FOXJ3: variants seen among roughly 807,000 people sequenced by gnomAD.
FOXJ3 encodes the protein forkhead box protein J3.
In FOXJ3, 22 loss-of-function variants were observed where a neutral mutation model predicts 76.1. The ratio of observed to expected loss-of-function variants is 0.29; its 90% CI spans 0.21 to 0.41. FOXJ3 has a LOEUF of 0.41. FOXJ3 is among the 10% of genes least tolerant of loss of function. FOXJ3 has a pLI of 1.00. For synonymous variants in FOXJ3, 269 were observed against 261.2 expected, an observed-to-expected ratio of 1.03 and a Z score of -0.29; for missense variants, 613 against 762.1, an observed-to-expected ratio of 0.80 and a Z score of 2.30.
chr1:42,253,998 A>C (rs953377602), intron 4 of FOXJ3, among the ~76,000 whole-genome samples: 1 of 151,084 alleles, frequency 6.6e-6, no homozygotes, highest in African/African-American at 2.4e-5. Context: ...CTGCACAGCA[A>C]AAGAAACTAC....
intron 4 of FOXJ3, among the ~76,000 whole-genome samples, chr1:42,237,401 C>CAT (rs1648742265): frequency 2.1e-5 from 1 of 46,842 alleles, no homozygotes; most frequent in Non-Finnish European, 4.7e-5. Context: ...TACATACATA[C>CAT]ATACATATAT....
In FOXJ3 at chr1:42,331,274, G is replaced by A. The variant is rs992576004; in HGVS notation, c.-18+3785C>T. ...GTGCACGCCTGTAATCCCAGCTACT[G>A]TGGAGGGTGAGGTGGGAGAATCGCT... is the stretch of plus-strand genomic sequence containing the variant. On this transcript the variant is annotated intron_variant, in intron 1 of 12. Transcript: ENST00000361346. 4.7e-4 allele frequency among the ~76,000 whole-genome samples: 71 copies of A among 151,940 alleles called. 1 individual carries two copies. Among genetic ancestry groups the A allele is most frequent in the Admixed American group, 4.5e-3 (68 of 15,242 alleles).
intron 4 of FOXJ3, among the ~76,000 whole-genome samples, chr1:42,251,917 C>G (rs1460631590): frequency 1.3e-5 from 2 of 151,864 alleles, no homozygotes; most frequent in South Asian, 4.1e-4. Context: ...CGGGGTTTCA[C>G]CGTGTTAGCC....
chr1:42,263,075 T>G (rs962948678), intron 4 of FOXJ3, among the ~76,000 whole-genome samples: 2 of 152,180 alleles, frequency 1.3e-5, no homozygotes, highest in African/African-American at 4.8e-5. Context: ...AATTTATTTC[T>G]GTATTTTGTT....
intron 3 of FOXJ3, among the ~76,000 whole-genome samples, chr1:42,269,138 T>C (rs1347995091): frequency 6.6e-6 from 1 of 152,146 alleles, no homozygotes; most frequent in Non-Finnish European, 1.5e-5. Flanking sequence ...TAGTAAACCC[T>C]AGAGTAATCA....
intron 2 of FOXJ3, among the ~76,000 whole-genome samples, chr1:42,299,691 G>A (rs7556055): frequency 0.7 from 106,306 of 151,844 alleles, 37,947 homozygotes; most frequent in Admixed American, 0.8. Flanking sequence ...CGGATTACTT[G>A]AGGTCAGGAG....
At chr1:42,297,062 G>C (rs913753368) in intron 2 of FOXJ3, among the ~76,000 whole-genome samples, 1 of 152,102 alleles carries the variant, frequency 6.6e-6, no homozygotes, top group African/African-American at 2.4e-5. Flanking sequence ...GTGTGGGTGT[G>C]TGTGTGTGTC....
chr1:42,249,928 G>C (rs1649883856), intron 4 of FOXJ3, among the ~76,000 whole-genome samples: 2 of 152,214 alleles, frequency 1.3e-5, no homozygotes, highest in South Asian at 4.1e-4. Flanking sequence ...ATACTGAAAT[G>C]TGAGCTGGGC....
At chr1:42,214,663 G>A (rs890624682) in intron 5 of FOXJ3, among the ~76,000 whole-genome samples, 3 of 152,174 alleles carry the variant, frequency 2.0e-5, no homozygotes, top group Non-Finnish European at 4.4e-5. Context: ...GAAGAATGTG[G>A]GTGAATTTCC....
At chr1:42,318,588 G>A (rs371718606) in intron 1 of FOXJ3, among the ~76,000 whole-genome samples, 2 of 152,070 alleles carry the variant, frequency 1.3e-5, no homozygotes, top group East Asian at 1.9e-4. Flanking sequence ...CAGGTGATCC[G>A]CCCACCTCGG....
Position 42,282,037 on chromosome 1 carries a change from C to T in FOXJ3, c.45-3365G>A, listed in dbSNP as rs551763489. 1.4e-4 allele frequency among the ~76,000 whole-genome samples: 20 copies of T among 147,694 alleles called. No homozygotes were observed. The South Asian group carries it at 4.3e-3, about 32-fold the overall frequency. ...TTGCACCACTGCAATCCAGCCTGGGCAACAGAGCGAGACTCAGTCTCAAAA... is the reference window on the plus strand; with the variant it reads ...TTGCACCACTGCAATCCAGCCTGGGTAACAGAGCGAGACTCAGTCTCAAAA... On this transcript the variant is annotated intron_variant, in intron 2 of 12. Transcript: ENST00000361346.
chr1:42,290,318 C>A lies in FOXJ3; in HGVS notation c.45-11646G>T, dbSNP rs545385334. Among the ~76,000 whole-genome samples the A allele has an allele frequency of 8.5e-5, 13 of 152,218 alleles. No homozygotes were observed. The South Asian group carries it at 2.5e-3, about 29-fold the overall frequency. ...CTCACCATGAGTCAGCTGACCGTTA[C>A]CTACTACTAGTTAATATCTAAACAA... On this transcript the variant is annotated intron_variant, in intron 2 of 12. Transcript: ENST00000361346.
chr1:42,279,404 T>C (rs760607711), intron 2 of FOXJ3, among the ~76,000 whole-genome samples: 25 of 152,206 alleles, frequency 1.6e-4, no homozygotes, highest in Middle Eastern at 3.4e-3. Context: ...CTAACTGAAA[T>C]TGTGGGAGTA....
At chr1:42,256,441 G>T (rs188592979) in intron 4 of FOXJ3, among the ~76,000 whole-genome samples, 22 of 152,294 alleles carry the variant, frequency 1.4e-4, no homozygotes, top group African/African-American at 5.1e-4. Flanking sequence ...CAGAGGAGAA[G>T]ATACACAAAT....
chr1:42,188,466 A>T (rs561038194), intron 11 of FOXJ3, among the ~76,000 whole-genome samples: 19 of 152,342 alleles, frequency 1.2e-4, no homozygotes, highest in African/African-American at 4.6e-4. Context: ...TTCTTGTTTG[A>T]TAACTTAGTA....
chr1:42,302,962 A>G (rs1291992262), intron 2 of FOXJ3, among the ~76,000 whole-genome samples: 1 of 150,160 alleles, frequency 6.7e-6, no homozygotes, highest in East Asian at 1.9e-4. Context: ...TCAATTTTAA[A>G]CAAGATTTTT....
chr1:42,327,166 T>A (rs1400522416), intron 1 of FOXJ3, among the ~76,000 whole-genome samples: 3 of 152,182 alleles, frequency 2.0e-5, no homozygotes, highest in Admixed American at 2.0e-4. Flanking sequence ...AAACACGACT[T>A]CCTCTGATAC....
intron 4 of FOXJ3, among the ~76,000 whole-genome samples, chr1:42,241,024 A>G (rs1043329064): frequency 6.6e-6 from 1 of 152,196 alleles, no homozygotes; most frequent in Non-Finnish European, 1.5e-5. Context: ...AACAGGAAAC[A>G]CCTGAGGCAG....
chr1:42,334,776 T>G (rs1215449484), intron 1 of FOXJ3: 1 of 147,294 alleles, frequency 6.8e-6, no homozygotes, highest in African/African-American at 2.5e-5. Flanking sequence ...GTGCCCCGCC[T>G]GGGGGAGGGG....
Sources: gnomAD v4.1 joint callset for allele counts (sites outside exome capture counted in the v4.1 genomes callset) on GRCh38, gnomAD v4.1.1 for gene constraint, MANE v1.5 for transcripts, NCBI Gene and HGNC (gene_info 2026-07-23, HGNC 2026-07-21) for gene names.